The following TIMM44 variants were observed in gnomAD, a reference collection of about 807,000 sequenced individuals.
TIMM44 encodes translocase of inner mitochondrial membrane 44.
In TIMM44, 37 loss-of-function variants were observed where a neutral mutation model predicts 63.8. That is an observed-to-expected ratio of 0.58 (90% CI 0.45 to 0.76). The LOEUF (loss-of-function observed/expected upper bound fraction) is 0.76, where lower values mean the gene tolerates loss of function less well. TIMM44 is among the 30% of genes least tolerant of loss of function. TIMM44 has a pLI of 0.00. For synonymous variants in TIMM44, 239 were observed against 245.1 expected (o/e 0.98, Z 0.23); for missense variants, 573 against 603.8 (o/e 0.95, Z 0.54).
At position 7,943,589 on chromosome 19, in the gene TIMM44, C is replaced by A. The variant is rs746595198; in HGVS notation, c.45+18G>T. ...AAGACCCCTAAGCTCGCCCTGCCAG[C>A]GCCGCACCGCCGCTCACCCGTGGAC... On this transcript the variant is annotated intron_variant, in intron 1 of 12. Coordinates refer to ENST00000270538, the MANE Select transcript of TIMM44 (RefSeq NM_006351.4). This position sits in a 1 kb window ranked among gnomAD's most constrained non-coding sequence, Gnocchi z 4.3. The A allele has an allele frequency of 1.3e-6, 2 of 1,562,372 alleles. No homozygotes were observed. Among genetic ancestry groups the A allele is most frequent in the Admixed American group, 1.8e-5 (1 of 54,890 alleles).
rs1040849613 is a variant in TIMM44, at chr19:7,933,309, C to T, written c.769+176G>A. 6.6e-6 allele frequency among the ~76,000 whole-genome samples: 1 copy of T among 152,104 alleles called. No homozygotes were observed. Among genetic ancestry groups the T allele is most frequent in the Non-Finnish European group, 1.5e-5 (1 of 68,012 alleles). On this transcript the variant is annotated intron_variant, in intron 7 of 12. Transcript: ENST00000270538. This position sits in a 1 kb window ranked among gnomAD's most constrained non-coding sequence, Gnocchi z 4.3. Reference sequence around the variant, plus strand: ...TTATGAGGGAGCACCTGGCTTCTGGCGGCAGAATCTACAGCCCCACCATCA... The same window carrying T: ...TTATGAGGGAGCACCTGGCTTCTGGTGGCAGAATCTACAGCCCCACCATCA...
intron 10 of TIMM44, chr19:7,928,809 C>T (rs377665728): frequency 2.7e-4 from 41 of 151,052 alleles, no homozygotes; most frequent in African/African-American, 9.3e-4. Flanking sequence ...ATTTTAAAAA[C>T]ACTTCTGTGG....
Position 7,927,175 on chromosome 19 carries a change from C to T in TIMM44, c.*12G>A. 1 of 1,604,252 alleles carries T rather than the reference C, an allele frequency of 6.2e-7. No individual in the cohort carries two copies. On this transcript the variant is annotated 3_prime_UTR_variant, in exon 13 of 13. Coordinates refer to ENST00000270538, the MANE Select transcript of TIMM44 (RefSeq NM_006351.4). The stretch of plus-strand genomic sequence containing the variant: ...TGACCCAGGCCGGGGCTACCTGGCT[C>T]CGGCACCACACTCAGAGAATCTGCT...
Position 7,928,059 on chromosome 19 carries a change from C to G in TIMM44, c.1128+18G>C. On this transcript the variant is annotated intron_variant, in intron 11 of 12. Transcript: ENST00000270538. ...CCACCCCCGATGGTGGCCCGGGCCCCCACTGCGAGGTGCTTACGTCGACGT... is the reference window on the plus strand; with the variant it reads ...CCACCCCCGATGGTGGCCCGGGCCCGCACTGCGAGGTGCTTACGTCGACGT... The G allele has an allele frequency of 6.2e-7, 1 of 1,610,746 alleles. No individual in the cohort carries two copies. The highest frequency in any genetic ancestry group is 1.1e-5 in the South Asian group (1 of 90,712).
chr19:7,933,006 GCTC>G lies in TIMM44; in HGVS notation c.770-77_770-75del. 7.9e-7 allele frequency: 1 copy of G among 1,265,510 alleles called. No homozygotes were observed. The highest frequency in any genetic ancestry group is 1.1e-6 in the Non-Finnish European group (1 of 874,566). The allele number at this position is 1,265,510 out of a possible 1,614,324, so 78.4% of individuals were successfully genotyped here. ...CAACCCTCCCTCACAGCTTCTAGAG[GCTC>G]CCTGTGACCCCTGCGGGATCCACCC... On this transcript the variant is annotated intron_variant, in intron 7 of 12. Coordinates refer to ENST00000270538, the MANE Select transcript of TIMM44 (RefSeq NM_006351.4). This position sits in a 1 kb window ranked among gnomAD's most constrained non-coding sequence, Gnocchi z 4.3.
In TIMM44 at chr19:7,935,042, C is replaced by T. The variant is rs186120980; in HGVS notation, c.393+23G>A. 1.9e-6 allele frequency: 3 copies of T among 1,595,606 alleles called. No homozygotes were observed. The African/African-American group carries it at 4.7e-5, about 25-fold the overall frequency. ...GGGGACTTTGATGGCCCCAGCGGCT[C>T]CAGGCGGGCGTGGAACTGTTACCTC... On this transcript the variant is annotated intron_variant, in intron 4 of 12. Transcript: ENST00000270538.
At position 7,943,476 on chromosome 19, in the gene TIMM44, G is replaced by A. The variant is rs1984365523; in HGVS notation, c.45+131C>T. ...CCTGTCCTGGCCTCTGCTACCCAAA[G>A]ATCTAACCCCAAGCTTTCTAAGGAG... On this transcript the variant is annotated intron_variant, in intron 1 of 12. Coordinates refer to ENST00000270538, the MANE Select transcript of TIMM44 (RefSeq NM_006351.4). The surrounding 1 kb of genome is among the most constrained non-coding windows in gnomAD (Gnocchi z 4.3). The A allele has an allele frequency of 8.8e-7, 1 of 1,137,370 alleles. No homozygotes were observed. The highest frequency in any genetic ancestry group is 1.5e-5 in the African/African-American group (1 of 65,118). 70.5% of individuals were successfully genotyped at this position (1,137,370 alleles called of 1,614,324 possible). A position where few individuals can be genotyped will look rare whatever the true frequency, so the allele number is the denominator to read the frequency against.
intron 3 of TIMM44, among the ~76,000 whole-genome samples, chr19:7,936,627 T>C (rs996890603): frequency 4.6e-5 from 7 of 152,208 alleles, no homozygotes; most frequent in African/African-American, 1.7e-4. Context: ...TGCAGAGCCA[T>C]TCCCAGAAGC....
chr19:7,927,774 AGGGGCCGAGAG>A lies in TIMM44; in HGVS notation c.1129-18_1129-8del, dbSNP rs780711038. On this transcript the variant is annotated splice_region_variant and splice_polypyrimidine_tract_variant and intron_variant, in intron 11 of 12. Coordinates refer to ENST00000270538, the MANE Select transcript of TIMM44 (RefSeq NM_006351.4). Reference sequence around the variant, plus strand: ...TCATCTTGCCCATGGCCAGCTGCAGAGGGGCCGAGAGGGGGGATGTGCCTCAGAGGACAGCC... The same window carrying A: ...TCATCTTGCCCATGGCCAGCTGCAGAGGGGGATGTGCCTCAGAGGACAGCC... 10 of 1,608,140 alleles carry A rather than the reference AGGGGCCGAGAG, an allele frequency of 6.2e-6. No homozygotes were observed. The highest frequency in any genetic ancestry group is 8.5e-6 in the Non-Finnish European group (10 of 1,179,344).
At chr19:7,940,109 T>A (rs923241057) in intron 2 of TIMM44, among the ~76,000 whole-genome samples, 1 of 151,784 alleles carries the variant, frequency 6.6e-6, no homozygotes, top group South Asian at 2.1e-4. Flanking sequence ...GTCACACACC[T>A]GTGGTCCCAG....
In TIMM44 at chr19:7,934,319, C is replaced by T. The variant is rs1312784029; in HGVS notation, c.394-81G>A. 1.0e-5 allele frequency: 16 copies of T among 1,570,122 alleles called. No individual in the cohort carries two copies. Among genetic ancestry groups the T allele is most frequent in the South Asian group, 6.6e-5 (6 of 90,318 alleles). On this transcript the variant is annotated intron_variant, in intron 4 of 12. Coordinates refer to ENST00000270538, the MANE Select transcript of TIMM44 (RefSeq NM_006351.4). This position sits in a 1 kb window ranked among gnomAD's most constrained non-coding sequence, Gnocchi z 5.3. ...CGGGGCAGGAGGAATGAATTCCTGC[C>T]GGAGAGAAGGGCGGATCTGGTTCCC...
intron 3 of TIMM44, 132 bp downstream of exon 3, chr19:7,937,895 G>A: frequency 1.8e-6 from 2 of 1,137,674 alleles, no homozygotes; most frequent in East Asian, 2.4e-5. Flanking sequence ...GTGCGCGCCT[G>A]TAAGCCCAGC....
intron 3 of TIMM44, among the ~76,000 whole-genome samples, chr19:7,935,812 C>T (rs534462469): frequency 4.6e-5 from 7 of 152,278 alleles, no homozygotes; most frequent in Admixed American, 3.9e-4. Context: ...GTCTCCCGCT[C>T]CATCCATCCC....
chr19:7,935,440 T>C (rs550957658), intron 3 of TIMM44, among the ~76,000 whole-genome samples: 1 of 152,248 alleles, frequency 6.6e-6, no homozygotes, highest in East Asian at 1.9e-4. Flanking sequence ...GCTGGGATTA[T>C]AGGTGTGAGC....
At position 7,943,483 on chromosome 19, in the gene TIMM44, C is replaced by T. The variant is rs1984365671; in HGVS notation, c.45+124G>A. 1.7e-6 allele frequency: 2 copies of T among 1,191,552 alleles called. No individual in the cohort carries two copies. The allele number at this position is 1,191,552 out of a possible 1,614,324, so 73.8% of individuals were successfully genotyped here. A position where few individuals can be genotyped will look rare whatever the true frequency, so the allele number is the denominator to read the frequency against. ...TGGCCTCTGCTACCCAAAGATCTAA[C>T]CCCAAGCTTTCTAAGGAGCCCAAGC... On this transcript the variant is annotated intron_variant, in intron 1 of 12. Transcript: ENST00000270538. This position sits in a 1 kb window ranked among gnomAD's most constrained non-coding sequence, Gnocchi z 4.3.
At chr19:7,930,301 CTCTT>C (rs1259238141) in intron 10 of TIMM44, among the ~76,000 whole-genome samples, 1 of 136,206 alleles carries the variant, frequency 7.3e-6, no homozygotes, top group Non-Finnish European at 1.6e-5. Flanking sequence ...CCATGCTTGG[CTCTT>C]TTTTTTTTTT....
rs1023360593 is a variant in TIMM44, at chr19:7,932,614, G to C, written c.987+13C>G. On this transcript the variant is annotated intron_variant, in intron 9 of 12. Coordinates refer to ENST00000270538, the MANE Select transcript of TIMM44 (RefSeq NM_006351.4). ...CTGCCGCCTGGGAGGGGTCCTGGGG[G>C]TGTGGCACCCACCTCCAGGACATTG... 1.2e-6 allele frequency: 2 copies of C among 1,612,740 alleles called. No homozygotes were observed. Among genetic ancestry groups the C allele is most frequent in the Non-Finnish European group, 1.7e-6 (2 of 1,179,994 alleles).
chr19:7,927,437 A>T (rs982182413), intron 12 of TIMM44, 131 bp from the exon 13 acceptor site: 2 of 1,211,884 alleles, frequency 1.7e-6, no homozygotes, highest in Non-Finnish European at 2.4e-6. Context: ...AGGCCAGCAC[A>T]ATTGCCTAGA....
At chr19:7,932,229 C>T (rs1003169094) in intron 9 of TIMM44, 13 of 255,598 alleles carry the variant, frequency 5.1e-5, no homozygotes, top group Admixed American at 4.1e-4. Context: ...GGGAACCTCA[C>T]GGCTGCAGCT....
Sources: gnomAD v4.1 joint callset for allele counts (sites outside exome capture counted in the v4.1 genomes callset) on GRCh38, gnomAD v4.1.1 for gene constraint, Gnocchi (gnomAD v3.1) non-coding constraint, MANE v1.5 for transcripts, NCBI Gene and HGNC (gene_info 2026-07-23, HGNC 2026-07-21) for gene names.